EHMT1: variants seen among roughly 807,000 people sequenced by gnomAD.
EHMT1 encodes the protein histone-lysine N-methyltransferase EHMT1.
EHMT1 carries 15 observed loss-of-function variants against 147.2 expected under a neutral mutation model. That is an observed-to-expected ratio of 0.10 (90% CI 0.07 to 0.16). The LOEUF is 0.16. Among genes scored for constraint, EHMT1 ranks in the 10% least tolerant of loss-of-function variants. EHMT1 has a pLI of 1.00. For synonymous variants in EHMT1, 795 were observed against 709.6 expected (o/e 1.12, Z -1.91); for missense variants, 1,587 against 1,772.4 (o/e 0.90, Z 1.88).
At chr9:137,650,403 C>G (rs1042487064) in intron 1 of EHMT1, among the ~76,000 whole-genome samples, 1 of 152,006 alleles carries the variant, frequency 6.6e-6, no homozygotes, top group Non-Finnish European at 1.5e-5. Flanking sequence ...GTACCTTGCC[C>G]AGCTGTTGTT....
chr9:137,816,101 C>T (rs755507414), intron 23 of EHMT1, 39 bp downstream of exon 23: 10 of 1,502,502 alleles, frequency 6.7e-6, no homozygotes, highest in African/African-American at 1.4e-5. Flanking sequence ...ACATTCTGCT[C>T]GTATTAGCAC....
chr9:137,821,122 T>C (rs1337502015), intron 25 of EHMT1, among the ~76,000 whole-genome samples: 1 of 152,184 alleles, frequency 6.6e-6, no homozygotes, highest in Admixed American at 6.6e-5. Context: ...GTAATCTGCC[T>C]GCCTTGGCCT....
chr9:137,699,740 A>G (rs1162252076), intron 1 of EHMT1, among the ~76,000 whole-genome samples: 2 of 150,956 alleles, frequency 1.3e-5, no homozygotes, highest in South Asian at 2.1e-4. Flanking sequence ...AGTCCCACCT[A>G]TGGAAGGCCT....
chr9:137,735,049 G>C (rs1221324707), intron 4 of EHMT1, among the ~76,000 whole-genome samples: 1 of 152,208 alleles, frequency 6.6e-6, no homozygotes, highest in African/African-American at 2.4e-5. Context: ...TGTAACAGTG[G>C]TTTGTACCTC....
intron 25 of EHMT1, among the ~76,000 whole-genome samples, chr9:137,830,214 C>T (rs765754687): frequency 6.6e-6 from 1 of 152,148 alleles, no homozygotes; most frequent in Non-Finnish European, 1.5e-5. Context: ...GCGAGCCCGT[C>T]TCCTTTGGTG....
rs118179313 is a variant in EHMT1, at chr9:137,819,682, A to G, written c.3540+1544A>G. 4.6e-4 allele frequency among the ~76,000 whole-genome samples: 65 copies of G among 140,008 alleles called. 2 individuals are homozygous for G. The highest frequency in any genetic ancestry group is 4.5e-3 in the East Asian group (16 of 3,574). The allele number at this position is 140,008 out of a possible 152,430, so 91.9% of individuals were successfully genotyped here. On this transcript the variant is annotated intron_variant, in intron 25 of 26. Transcript: ENST00000460843. ...GGGGGCGCCGTGTGCCGAGACTGTA[A>G]AGAGGCTGAGGAGCGGCTGTGTGTT...
In EHMT1 at chr9:137,786,636, A is replaced by G. The variant is rs73578105; in HGVS notation, c.2383-4212A>G. On this transcript the variant is annotated intron_variant, in intron 15 of 26. Coordinates refer to ENST00000460843, the MANE Select transcript of EHMT1 (RefSeq NM_024757.5). The surrounding 1 kb of genome is among the most constrained non-coding windows in gnomAD (Gnocchi z 4.3). ...TGGTTGTGTGGAGTCATCTCCCTCCAGCTCCAGTCTTGGTCGTGTGGCGTC... is the reference window on the plus strand; with the variant it reads ...TGGTTGTGTGGAGTCATCTCCCTCCGGCTCCAGTCTTGGTCGTGTGGCGTC... 8,230 of 146,940 alleles carry G rather than the reference A, an allele frequency of 0.056. 731 individuals carry two copies. Among genetic ancestry groups the G allele is most frequent in the African/African-American group, 0.2 (7,648 of 38,696 alleles). The allele number at this position is 146,940 out of a possible 1,614,324, so 9.1% of individuals were successfully genotyped here. A position where few individuals can be genotyped will look rare whatever the true frequency, so the allele number is the denominator to read the frequency against.
intron 1 of EHMT1, among the ~76,000 whole-genome samples, chr9:137,699,242 A>G (rs940106905): frequency 4.6e-5 from 7 of 152,274 alleles, no homozygotes; most frequent in African/African-American, 1.7e-4. Flanking sequence ...CATCTAATGT[A>G]GTAAAGTTAA....
At chr9:137,671,977 A>C (rs1384121258) in intron 1 of EHMT1, among the ~76,000 whole-genome samples, 2 of 152,116 alleles carry the variant, frequency 1.3e-5, no homozygotes, top group African/African-American at 4.8e-5. Flanking sequence ...CACTCAGTGA[A>C]GCTCCCCCAG....
chr9:137,772,708 T>G (rs1950670641), intron 10 of EHMT1, among the ~76,000 whole-genome samples: 1 of 152,360 alleles, frequency 6.6e-6, no homozygotes, highest in Admixed American at 6.5e-5. Context: ...GGCTCCTTTC[T>G]TGTTCTGGTC....
Position 137,728,909 on chromosome 9 carries a change from C to T in EHMT1, c.823+380C>T, listed in dbSNP as rs557935216. On this transcript the variant is annotated intron_variant, in intron 4 of 26. Transcript: ENST00000460843. ...GAAGTCTGTGGCCCAGGGTGAGGAC[C>T]ACCGCCCGCTCCAGCTGCTCTGCCA... 1.2e-4 allele frequency among the ~76,000 whole-genome samples: 18 copies of T among 152,270 alleles called. No individual in the cohort carries two copies. The East Asian group carries it at 3.5e-3, about 29-fold the overall frequency.
intron 14 of EHMT1, 104 bp downstream of exon 14, chr9:137,779,821 G>GT: frequency 7.6e-7 from 1 of 1,322,122 alleles, no homozygotes; most frequent in South Asian, 1.2e-5. Flanking sequence ...TCTCGTTTTG[G>GT]TTTTCTGTTT....
intron 25 of EHMT1, chr9:137,833,960 G>C: frequency 3.5e-6 from 1 of 288,168 alleles, no homozygotes; most frequent in Non-Finnish European, 6.7e-6. Flanking sequence ...CCCTGCCACT[G>C]CCTCACGGGG....
chr9:137,776,788 C>A lies in EHMT1; in HGVS notation c.1962C>A (p.Val654=), dbSNP rs747062008. Residue 654 remains valine, a synonymous_variant, in exon 12 of 27, where the codon GTC becomes GTA. Transcript: ENST00000460843. The surrounding 1 kb of genome is among the most constrained non-coding windows in gnomAD (Gnocchi z 4.4). ...KADTTSTVTP[V]PGQEKGSALE... Reference sequence around the variant, plus strand: ...ACACCACCTCGACCGTGACACCAGTCCCCGGGCAGGAGAAGGGCTCGGCCC... The same window carrying A: ...ACACCACCTCGACCGTGACACCAGTACCCGGGCAGGAGAAGGGCTCGGCCC... 3 of 1,613,930 alleles carry A rather than the reference C, an allele frequency of 1.9e-6. No homozygotes were observed. Among genetic ancestry groups the A allele is most frequent in the East Asian group, 4.5e-5 (2 of 44,852 alleles).
chr9:137,723,990 G>GAAC (rs1267067506), intron 3 of EHMT1, among the ~76,000 whole-genome samples: 1 of 152,210 alleles, frequency 6.6e-6, no homozygotes, highest in East Asian at 1.9e-4. Flanking sequence ...CGCCGGAAGG[G>GAAC]AACATTTTTT....
chr9:137,781,914 C>T (rs1038846657), intron 14 of EHMT1, among the ~76,000 whole-genome samples: 11 of 152,234 alleles, frequency 7.2e-5, no homozygotes, highest in African/African-American at 2.4e-4. Flanking sequence ...GATGCTCAGG[C>T]CTCTGTCCCC....
intron 4 of EHMT1, among the ~76,000 whole-genome samples, chr9:137,737,239 AAGAC>A (rs768556539): frequency 2.8e-4 from 43 of 152,192 alleles, no homozygotes; most frequent in Admixed American, 2.0e-3. Context: ...TATGTGGAAA[AAGAC>A]AGAGATTCAA....
chr9:137,792,670 G>A (rs4876943), intron 16 of EHMT1, among the ~76,000 whole-genome samples: 50,318 of 152,048 alleles, frequency 0.33, 8,623 homozygotes, highest in Admixed American at 0.43. Flanking sequence ...ACGCCACTGC[G>A]CTCCAACCTG....
chr9:137,802,944 T>C, intron 18 of EHMT1: 2 of 1,232,578 alleles, frequency 1.6e-6, no homozygotes, highest in Non-Finnish European at 2.0e-6. Flanking sequence ...TGGAAGGCTG[T>C]GGCGGGTACC....
Sources: gnomAD v4.1 joint callset for allele counts (sites outside exome capture counted in the v4.1 genomes callset) on GRCh38, gnomAD v4.1.1 for gene constraint, Gnocchi (gnomAD v3.1) non-coding constraint, MANE v1.5 for transcripts, NCBI Gene and HGNC (gene_info 2026-07-23, HGNC 2026-07-21) for gene names.